Variants in SHOC1 observed in about 807,000 individuals in gnomAD.
SHOC1 encodes shortage in chiasmata 1.
A neutral mutation model predicts 179.2 loss-of-function variants in SHOC1; 136 were observed. The ratio of observed to expected loss-of-function variants is 0.76; its 90% confidence interval spans 0.66 to 0.87. The LOEUF is 0.87. SHOC1 is among the 40% of genes least tolerant of loss of function. The pLI is 0.00. For missense variants in SHOC1, 1,538 were observed against 1,700.8 expected, an observed-to-expected ratio of 0.90 and a Z score of 1.68; for synonymous variants, 489 against 586.6, an observed-to-expected ratio of 0.83 and a Z score of 2.41.
chr9:111,693,199 G>A (rs552052672), intron 26 of SHOC1, among the ~76,000 whole-genome samples: 5 of 152,016 alleles, frequency 3.3e-5, no homozygotes, highest in South Asian at 4.2e-4. Context: ...CTAGCTGCTC[G>A]GGAGGCTGAG....
At position 111,723,869 on chromosome 9, in the gene SHOC1, A is replaced by C; in HGVS notation, c.1877T>G (p.Ile626Ser). The C allele has an allele frequency of 6.3e-7, 1 of 1,586,394 alleles. No individual in the cohort carries two copies. The highest frequency in any genetic ancestry group is 1.7e-4 in the Middle Eastern group (1 of 5,966). The change falls in exon 14 of 28, where the codon ATT becomes AGT. Residue 626 changes from isoleucine (I) to serine (S), a missense_variant. By Grantham distance (142) the Ile-to-Ser change is moderately radical. Coordinates refer to ENST00000682961, the MANE Select transcript of SHOC1 (RefSeq NM_001378211.1). ...CTCCAGGGTTTTATTAATATGAACA[A>C]TAGGACTTTCTTCTTGAAGTGTCAA... ...CSLTLQEESP[I>S]VHINKTLEEI...
chr9:111,738,134 C>A, intron 12 of SHOC1, 146 bp downstream of exon 12: 1 of 622,046 alleles, frequency 1.6e-6, no homozygotes, highest in Non-Finnish European at 2.5e-6. Flanking sequence ...TAGAGAAATC[C>A]AAAGTCATAA....
chr9:111,732,413 T>C (rs1312664799), intron 12 of SHOC1, among the ~76,000 whole-genome samples: 1 of 151,794 alleles, frequency 6.6e-6, no homozygotes, highest in Non-Finnish European at 1.5e-5. Context: ...TTTTTAAAAA[T>C]AAAAAAAATT....
chr9:111,757,324 G>T (rs531558632), intron 7 of SHOC1, among the ~76,000 whole-genome samples: 1 of 152,034 alleles, frequency 6.6e-6, no homozygotes, highest in African/African-American at 2.4e-5. Flanking sequence ...GGATGGTCTC[G>T]ATCTCCTGAC....
intron 5 of SHOC1, among the ~76,000 whole-genome samples, chr9:111,769,989 T>TG (rs1564161213): frequency 7.9e-5 from 4 of 50,704 alleles, no homozygotes; most frequent in Non-Finnish European, 2.1e-4. Context: ...TTTTTTTGTT[T>TG]TTTTTTTTTT....
intron 2 of SHOC1, 25 bp from the exon 3 acceptor site, chr9:111,786,060 A>G: frequency 4.2e-6 from 6 of 1,437,014 alleles, no homozygotes; most frequent in Non-Finnish European, 5.5e-6. Flanking sequence ...AAGATTAGAA[A>G]ATCTTTTAAC....
At chr9:111,749,707 G>T (rs1834477741) in intron 8 of SHOC1, among the ~76,000 whole-genome samples, 2 of 151,994 alleles carry the variant, frequency 1.3e-5, no homozygotes, top group Admixed American at 6.6e-5. Context: ...AGTGTGTGTT[G>T]TTCCGTCCAC....
chr9:111,736,792 G>T (rs934999154), intron 12 of SHOC1, among the ~76,000 whole-genome samples: 3 of 152,118 alleles, frequency 2.0e-5, no homozygotes, highest in Non-Finnish European at 4.4e-5. Flanking sequence ...TACAGAATGG[G>T]AGAAAATAAT....
At chr9:111,766,797 A>G (rs12338526) in intron 5 of SHOC1, among the ~76,000 whole-genome samples, 28,636 of 151,802 alleles carry the variant, frequency 0.19, 2,891 homozygotes, top group Non-Finnish European at 0.22. Flanking sequence ...TTTTTAGTAG[A>G]GACAAGGTTT....
chr9:111,773,046 T>C (rs1448071270), intron 5 of SHOC1, among the ~76,000 whole-genome samples: 1 of 152,016 alleles, frequency 6.6e-6, no homozygotes, highest in Admixed American at 6.6e-5. Context: ...GAAGTTGGAT[T>C]CTCCTACCGT....
chr9:111,736,164 C>T (rs1030851398), intron 12 of SHOC1, among the ~76,000 whole-genome samples: 2 of 152,188 alleles, frequency 1.3e-5, no homozygotes, highest in African/African-American at 4.8e-5. Flanking sequence ...AGATTCAACA[C>T]TATCCCTATC....
chr9:111,748,089 T>G lies in SHOC1; in HGVS notation c.970+3A>C, dbSNP rs973548277. The G allele has an allele frequency of 1.2e-6, 2 of 1,604,826 alleles. No homozygotes were observed. Among genetic ancestry groups the G allele is most frequent in the African/African-American group, 2.7e-5 (2 of 74,704 alleles). Reference sequence around the variant, plus strand: ...AAGCTCAATGATTTATCAAAATTTCTACCTGGTTTACTGCACTCTTCTGGT... The same window carrying G: ...AAGCTCAATGATTTATCAAAATTTCGACCTGGTTTACTGCACTCTTCTGGT... On this transcript the variant is annotated splice_donor_region_variant and intron_variant, in intron 9 of 27. Transcript: ENST00000682961.
chr9:111,775,463 TATA>T (rs1314582656), intron 5 of SHOC1, among the ~76,000 whole-genome samples: 6 of 152,186 alleles, frequency 3.9e-5, no homozygotes, highest in African/African-American at 1.4e-4. Context: ...CACTTCATAA[TATA>T]GTAATTTAAT....
chr9:111,700,767 A>G (rs4978457), intron 23 of SHOC1, among the ~76,000 whole-genome samples: 62,747 of 151,936 alleles, frequency 0.41, 14,401 homozygotes, highest in East Asian at 0.77. Flanking sequence ...GTTGACAAAC[A>G]ATGTAGTTTC....
chr9:111,716,831 T>C (rs779682234), intron 16 of SHOC1, among the ~76,000 whole-genome samples: 8 of 152,244 alleles, frequency 5.3e-5, no homozygotes, highest in African/African-American at 9.6e-5. Context: ...CTTTTCTTCT[T>C]CAATTAAACC....
At chr9:111,707,964 A>C (rs755101472) in intron 18 of SHOC1, 40 bp from the exon 19 acceptor site, 9 of 1,229,362 alleles carry the variant, frequency 7.3e-6, no homozygotes, top group Middle Eastern at 4.9e-4. Context: ...TGTCTTGTTC[A>C]GATACATATT....
chr9:111,711,461 G>A (rs1043935875), intron 18 of SHOC1, among the ~76,000 whole-genome samples: 3 of 152,198 alleles, frequency 2.0e-5, no homozygotes, highest in Non-Finnish European at 4.4e-5. Flanking sequence ...CAATCTGTGA[G>A]ATGGGGGTCT....
At chr9:111,783,878 A>G (rs1259033472) in intron 3 of SHOC1, among the ~76,000 whole-genome samples, 1 of 152,180 alleles carries the variant, frequency 6.6e-6, no homozygotes, top group East Asian at 1.9e-4. Context: ...TGCCCAGGGC[A>G]AATGAAGTCT....
chr9:111,711,767 A>G (rs186969322), intron 18 of SHOC1, among the ~76,000 whole-genome samples: 42 of 152,326 alleles, frequency 2.8e-4, no homozygotes, highest in Middle Eastern at 3.4e-3. Flanking sequence ...GATTGTTAAG[A>G]CGTCTTAAGA....
Sources: allele counts gnomAD v4.1 joint callset (sites outside exome capture counted in the v4.1 genomes callset), GRCh38; gene constraint gnomAD v4.1.1; transcripts MANE v1.5; gene names NCBI Gene and HGNC (gene_info 2026-07-23, HGNC 2026-07-21).